Variants in NSUN6 observed in about 807,000 individuals in gnomAD.
NSUN6 encodes the protein tRNA (cytosine(72)-C(5))-methyltransferase NSUN6.
NSUN6 carries 64 observed loss-of-function variants against 58.0 expected under a neutral mutation model. The observed-to-expected ratio is 1.10, with a 90% CI of 0.90 to 1.36. The LOEUF (loss-of-function observed/expected upper bound fraction) is 1.36, where lower values mean the gene tolerates loss of function less well. NSUN6 is among the 40% of genes most tolerant of loss of function. The pLI, the probability that NSUN6 is intolerant of heterozygous loss-of-function variation, is 0.00. For synonymous variants in NSUN6, 231 were observed against 193.9 expected (o/e 1.19, Z -1.59); for missense variants, 701 against 550.1 (o/e 1.27, Z -2.74).
intron 6 of NSUN6, among the ~76,000 whole-genome samples, chr10:18,602,060 TG>T (rs2057863890): frequency 6.6e-6 from 1 of 151,226 alleles, no homozygotes; most frequent in East Asian, 2.0e-4. Flanking sequence ...CTGGTAATGG[TG>T]GGGTTGTTTT....
In NSUN6 at chr10:18,614,530, T is replaced by C. The variant is rs781026664; in HGVS notation, c.505A>G (p.Lys169Glu). 2.8e-5 allele frequency: 43 copies of C among 1,551,300 alleles called. No individual in the cohort carries two copies. The highest frequency in any genetic ancestry group is 3.3e-5 in the Non-Finnish European group (38 of 1,148,114). ...GAAATCCCATTTCCAAGAAATACTTTTGTTCCATCAAATTCTTTGGCTCCT... is the reference window on the plus strand; with the variant it reads ...GAAATCCCATTTCCAAGAAATACTTCTGTTCCATCAAATTCTTTGGCTCCT... Reference protein sequence around the residue: ...KKGAKEFDGTKVFLGNGISEL... With the variant: ...KKGAKEFDGTEVFLGNGISEL... Residue 169 changes from lysine to glutamate, a missense_variant, in exon 5 of 11, where the codon AAA becomes GAA. Lys to Glu is a moderately conservative substitution (Grantham distance 56). Transcript: ENST00000377304.
At chr10:18,617,786 T>C (rs1590082162) in intron 3 of NSUN6, among the ~76,000 whole-genome samples, 2 of 152,138 alleles carry the variant, frequency 1.3e-5, no homozygotes, top group African/African-American at 4.8e-5. Context: ...TATTGGGAGC[T>C]GTTCAGGTCA....
At chr10:18,594,376 A>G (rs11015036) in intron 7 of NSUN6, among the ~76,000 whole-genome samples, 4,282 of 152,160 alleles carry the variant, frequency 0.028, 197 homozygotes, top group African/African-American at 0.097. Context: ...CCTACAATGC[A>G]GACAATTTGT....
chr10:18,652,643 C>T, upstream of NSUN6: 1 of 823,076 alleles, frequency 1.2e-6, no homozygotes, highest in Non-Finnish European at 1.5e-6. Context: ...TCACTGCAAC[C>T]TCCACCTCCT....
chr10:18,604,141 C>G (rs534189019), intron 6 of NSUN6, among the ~76,000 whole-genome samples: 1 of 152,136 alleles, frequency 6.6e-6, no homozygotes, highest in Non-Finnish European at 1.5e-5. Context: ...GAGATCGTGC[C>G]GCTGCACTCC....
upstream of NSUN6, chr10:18,652,373 T>G: frequency 1.0e-6 from 1 of 983,740 alleles, no homozygotes; most frequent in Non-Finnish European, 1.2e-6. Context: ...ACCATGGTAA[T>G]TTACACATAA....
chr10:18,607,913 A>C (rs1216527104), intron 6 of NSUN6, among the ~76,000 whole-genome samples: 1 of 152,208 alleles, frequency 6.6e-6, no homozygotes, highest in African/African-American at 2.4e-5. Context: ...ATGAAATTGA[A>C]GGTTTGTAAG....
chr10:18,636,614 C>T (rs1489075258), intron 3 of NSUN6, among the ~76,000 whole-genome samples: 2 of 152,138 alleles, frequency 1.3e-5, no homozygotes, highest in African/African-American at 4.8e-5. Flanking sequence ...ACTGAATGGG[C>T]TGGGCACAGT....
chr10:18,637,000 T>A (rs2059239787), intron 3 of NSUN6, among the ~76,000 whole-genome samples: 1 of 147,820 alleles, frequency 6.8e-6, no homozygotes, highest in South Asian at 2.1e-4. Context: ...TTCAGTCTTA[T>A]CGTCCGGGCT....
chr10:18,573,041 C>T (rs2056461444), intron 8 of NSUN6, among the ~76,000 whole-genome samples: 1 of 150,296 alleles, frequency 6.7e-6, no homozygotes, highest in Admixed American at 6.7e-5. Flanking sequence ...CATTCCATTC[C>T]ATTCTCCATT....
chr10:18,635,525 CTG>C (rs564516032), intron 3 of NSUN6, among the ~76,000 whole-genome samples: 11 of 152,204 alleles, frequency 7.2e-5, no homozygotes, highest in Admixed American at 1.3e-4. Flanking sequence ...GAAAGCTACA[CTG>C]TGTCTCATCA....
At chr10:18,574,443 A>G (rs113639577) in intron 8 of NSUN6, among the ~76,000 whole-genome samples, 1,554 of 152,228 alleles carry the variant, frequency 0.01, 9 homozygotes, top group Non-Finnish European at 0.013. Flanking sequence ...AGGAGGGAAC[A>G]CACGTTAGAT....
chr10:18,546,113 TC>T lies in NSUN6; in HGVS notation c.1229del (p.Gly410GlufsTer9). On this transcript the variant is annotated frameshift_variant, in exon 11 of 11. Coordinates refer to ENST00000377304, the MANE Select transcript of NSUN6 (RefSeq NM_182543.5). LOFTEE classifies it high-confidence loss of function. ...EPQIGGEGMR[G>X]AGLSCEQLKQ... ...TCAACTGTTCACATGAGAGCCCAGC[TC>T]CCCTCATTCCTTCTCCTCCAATCTG... The T allele has an allele frequency of 6.2e-7, 1 of 1,613,528 alleles. No individual in the cohort carries two copies. The highest frequency in any genetic ancestry group is 2.2e-5 in the East Asian group (1 of 44,864).
At position 18,586,038 on chromosome 10, in the gene NSUN6, T is replaced by C. The variant is rs1368701713; in HGVS notation, c.833A>G (p.Asn278Ser). 2.5e-6 allele frequency: 4 copies of C among 1,611,144 alleles called. No individual in the cohort carries two copies. The Admixed American group carries it at 6.7e-5, about 27-fold the overall frequency. ...GGAATTCAGCCCTAACAATAAGGCA[T>C]TCTGTTTGATTTTTTCTACTTTGTT... ...IFNKVEKIKQ[N>S]ALLLGLNSIR... The change falls in exon 8 of 11, where the codon AAT becomes AGT. Residue 278 changes from asparagine (N) to serine (S), a missense_variant. Asn to Ser is a conservative substitution (Grantham distance 46). Transcript: ENST00000377304.
chr10:18,623,521 A>G (rs1337052397), intron 3 of NSUN6, among the ~76,000 whole-genome samples: 1 of 152,184 alleles, frequency 6.6e-6, no homozygotes, highest in Non-Finnish European at 1.5e-5. Context: ...TTAATCAAAC[A>G]TTTATTACTT....
intron 2 of NSUN6, among the ~76,000 whole-genome samples, chr10:18,643,558 T>C (rs2059450202): frequency 6.6e-6 from 1 of 152,148 alleles, no homozygotes; most frequent in Non-Finnish European, 1.5e-5. Flanking sequence ...GAAATAAAAC[T>C]TCATATCTAC....
intron 8 of NSUN6, among the ~76,000 whole-genome samples, chr10:18,575,908 G>C (rs1353553883): frequency 6.6e-6 from 1 of 152,112 alleles, no homozygotes; most frequent in African/African-American, 2.4e-5. Flanking sequence ...GCTGTCCTTA[G>C]AGTTCCGGGT....
chr10:18,630,764 T>C (rs893484705), intron 3 of NSUN6, among the ~76,000 whole-genome samples: 1 of 152,158 alleles, frequency 6.6e-6, no homozygotes, highest in Admixed American at 6.5e-5. Context: ...CAATAATCAA[T>C]AGCTTACCCA....
chr10:18,635,684 A>C (rs1351855918), intron 3 of NSUN6, among the ~76,000 whole-genome samples: 1 of 151,756 alleles, frequency 6.6e-6, no homozygotes, highest in Non-Finnish European at 1.5e-5. Flanking sequence ...CTAAAAATAC[A>C]AAAATTAGCC....
Sources: gnomAD v4.1 joint callset for allele counts (sites outside exome capture counted in the v4.1 genomes callset) on GRCh38, gnomAD v4.1.1 for gene constraint, MANE v1.5 for transcripts, NCBI Gene and HGNC (gene_info 2026-07-23, HGNC 2026-07-21) for gene names.